ZNF717: variants seen among roughly 807,000 people sequenced by gnomAD.
The protein encoded by ZNF717 is zinc finger protein 717, also known as krueppel-like factor X17.
Under a neutral mutation model 13.8 loss-of-function variants are expected in ZNF717, and 9 were observed. The observed-to-expected ratio is 0.65, with a 90% CI of 0.39 to 1.14. The LOEUF (loss-of-function observed/expected upper bound fraction) is 1.14. ZNF717 is among the 50% of genes most tolerant of loss of function. The pLI, the probability that ZNF717 is intolerant of heterozygous loss-of-function variation, is 0.01. For missense variants in ZNF717, 1,040 were observed against 1,080.7 expected (o/e 0.96, Z 0.53); for synonymous variants, 327 against 364.1 (o/e 0.90, Z 1.16).
At chr3:75,717,614 A>C (rs915196527) in intron 4 of ZNF717, among the ~76,000 whole-genome samples, 3 of 152,176 alleles carry the variant, frequency 2.0e-5, no homozygotes, top group African/African-American at 7.2e-5. Context: ...TATGGAGATC[A>C]GTGTGAGTGC....
chr3:75,695,461 G>A (rs1937593179), intron 6 of ZNF717, among the ~76,000 whole-genome samples: 1 of 152,300 alleles, frequency 6.6e-6, no homozygotes, highest in African/African-American at 2.4e-5. Flanking sequence ...GACTTAATCT[G>A]CACTACAGAA....
intron 2 of ZNF717, among the ~76,000 whole-genome samples, chr3:75,779,241 C>T (rs1472922732): frequency 7.4e-6 from 1 of 135,914 alleles, no homozygotes; most frequent in African/African-American, 2.8e-5. Context: ...ACCAGAAACC[C>T]AAAATAATGG....
At chr3:75,783,874 A>G (rs947056022) in intron 1 of ZNF717, among the ~76,000 whole-genome samples, 2 of 152,164 alleles carry the variant, frequency 1.3e-5, no homozygotes, top group Non-Finnish European at 2.9e-5. Flanking sequence ...TTTTTTTTAA[A>G]TGTACATAAT....
At chr3:75,741,584 G>A (rs1183392157) in intron 3 of ZNF717, 26 bp downstream of exon 3, 2 of 1,586,248 alleles carry the variant, frequency 1.3e-6, no homozygotes, top group African/African-American at 2.7e-5. Flanking sequence ...ATACAATCCT[G>A]GGAGTTACTG....
At chr3:75,729,591 G>A (rs2106894055), downstream of ZNF717, among the ~76,000 whole-genome samples, 1 of 147,374 alleles carries the variant, frequency 6.8e-6, no homozygotes, top group East Asian at 2.0e-4. Flanking sequence ...CTCCAGCCTG[G>A]GTGACAATAG....
chr3:75,754,343 C>G (rs867483792), intron 2 of ZNF717, among the ~76,000 whole-genome samples: 1 of 151,288 alleles, frequency 6.6e-6, no homozygotes, highest in Non-Finnish European at 1.5e-5. Context: ...ACAAGGCATA[C>G]TAAAAGGCAA....
At chr3:75,775,754 G>A (rs755242552) in intron 2 of ZNF717, among the ~76,000 whole-genome samples, 1 of 151,622 alleles carries the variant, frequency 6.6e-6, no homozygotes, top group Non-Finnish European at 1.5e-5. Flanking sequence ...TCGGGAGGCT[G>A]AGGAGGAGAA....
chr3:75,722,883 T>C (rs1313649948), intron 4 of ZNF717, among the ~76,000 whole-genome samples: 1 of 151,910 alleles, frequency 6.6e-6, no homozygotes, highest in Non-Finnish European at 1.5e-5. Flanking sequence ...AATGCTTTAT[T>C]CAGGTTATTG....
At chr3:75,707,272 T>C (rs1233025448), downstream of ZNF717, among the ~76,000 whole-genome samples, 2 of 152,166 alleles carry the variant, frequency 1.3e-5, no homozygotes, top group Non-Finnish European at 1.5e-5. Flanking sequence ...ATTCTTGCCA[T>C]ATGAGTTATT....
At chr3:75,744,790 A>G (rs1208935114) in intron 2 of ZNF717, among the ~76,000 whole-genome samples, 6 of 152,322 alleles carry the variant, frequency 3.9e-5, no homozygotes, top group Admixed American at 3.9e-4. Context: ...ATGTCAGAGC[A>G]CCCATTTCTT....
chr3:75,784,437 G>A (rs773349127), intron 1 of ZNF717, among the ~76,000 whole-genome samples: 2 of 152,170 alleles, frequency 1.3e-5, no homozygotes, highest in African/African-American at 2.4e-5. Context: ...AAATACAATC[G>A]ATAGAACTTC....
rs536096360 is a variant in ZNF717, at chr3:75,759,562, G to A, written c.58-17826C>T. The stretch of plus-strand genomic sequence containing the variant: ...GCTGCGATTACAGGTGTGAGCCACC[G>A]CGCCCAGGCAATTTTTATTTTTTTG... On this transcript the variant is annotated intron_variant, in intron 2 of 4. Coordinates refer to ENST00000652011, the MANE Select transcript of ZNF717 (RefSeq NM_001290208.3). 5.9e-4 allele frequency among the ~76,000 whole-genome samples: 90 copies of A among 152,030 alleles called. No homozygotes were observed. The Middle Eastern group carries it at 0.01, about 17-fold the overall frequency.
At chr3:75,705,225 A>G (rs1207289356), downstream of ZNF717, among the ~76,000 whole-genome samples, 1 of 37,790 alleles carries the variant, frequency 2.6e-5, no homozygotes, top group East Asian at 9.0e-4. Flanking sequence ...ATACATTACA[A>G]TGTACAAGTT....
chr3:75,753,391 T>C (rs796276570), intron 2 of ZNF717, among the ~76,000 whole-genome samples: 4 of 113,892 alleles, frequency 3.5e-5, no homozygotes, highest in African/African-American at 1.0e-4. Flanking sequence ...ACTGCTGCTG[T>C]GGTCTGAATG....
At chr3:75,734,763 T>A (rs1459520711), downstream of ZNF717, among the ~76,000 whole-genome samples, 1 of 148,452 alleles carries the variant, frequency 6.7e-6, no homozygotes, top group African/African-American at 2.5e-5. Context: ...ACCTAACATA[T>A]AACAGTTTGT....
Position 75,766,898 on chromosome 3 carries a change from A to C in ZNF717, c.57+16408T>G, listed in dbSNP as rs1943512589. On this transcript the variant is annotated intron_variant, in intron 2 of 4. Transcript: ENST00000652011. Reference sequence around the variant, plus strand: ...TTTGAAACACCCTGTGAGTCAAAAAAAGTATTCACAAGGGGAACTGGAATG... The same window carrying C: ...TTTGAAACACCCTGTGAGTCAAAAACAGTATTCACAAGGGGAACTGGAATG... Among the ~76,000 whole-genome samples the C allele has an allele frequency of 2.6e-5, 4 of 152,404 alleles. No individual in the cohort carries two copies. The South Asian group carries it at 8.3e-4, about 32-fold the overall frequency.
At chr3:75,731,737 A>C (rs1204099074), downstream of ZNF717, among the ~76,000 whole-genome samples, 3 of 152,182 alleles carry the variant, frequency 2.0e-5, no homozygotes, top group Non-Finnish European at 2.9e-5. Context: ...ACATAGTGAG[A>C]CCCCCAACTC....
intron 2 of ZNF717, among the ~76,000 whole-genome samples, chr3:75,771,608 T>A (rs75745251): frequency 6.7e-6 from 1 of 149,284 alleles, no homozygotes; most frequent in Non-Finnish European, 1.5e-5. Context: ...CTTTGTGATG[T>A]CAGCAGGCGC....
In ZNF717 at chr3:75,738,152, T is replaced by TC; in HGVS notation, c.1470_1471insG (p.Lys491GlufsTer21). ...CATTGATGGATAGTGAGGAATGACTTACGGTGAAACGTTTTCCCACATTCA... is the reference window on the plus strand; with the variant it reads ...CATTGATGGATAGTGAGGAATGACTTCACGGTGAAACGTTTTCCCACATTCA... On this transcript the variant is annotated frameshift_variant, in exon 5 of 5. Coordinates refer to ENST00000652011, the MANE Select transcript of ZNF717 (RefSeq NM_001290208.3). LOFTEE classifies it low-confidence loss of function (END_TRUNC). 1 of 1,364,654 alleles carries TC rather than the reference T, an allele frequency of 7.3e-7. No individual in the cohort carries two copies. The highest frequency in any genetic ancestry group is 9.8e-7 in the Non-Finnish European group (1 of 1,019,442). 84.5% of individuals were successfully genotyped at this position (1,364,654 alleles called of 1,614,324 possible).
Sources: gnomAD v4.1 joint callset for allele counts (sites outside exome capture counted in the v4.1 genomes callset) on GRCh38, gnomAD v4.1.1 for gene constraint, MANE v1.5 for transcripts, NCBI Gene and HGNC (gene_info 2026-07-23, HGNC 2026-07-21) for gene names.